The following NAALAD2 variants were observed in gnomAD, a reference collection of about 807,000 sequenced individuals.
NAALAD2 encodes N-acetylated alpha-linked acidic dipeptidase 2, also known as N-acetylated-alpha-linked acidic dipeptidase 2.
NAALAD2 carries 89 observed loss-of-function variants against 95.6 expected under a neutral mutation model. The ratio of observed to expected loss-of-function variants is 0.93; its 90% CI spans 0.78 to 1.11. The LOEUF is 1.11. Ranked by LOEUF, NAALAD2 falls within the 50% of genes least tolerant of loss-of-function variation. The pLI is 0.00. For missense variants in NAALAD2, 894 were observed against 872.4 expected (o/e 1.02, Z -0.31); for synonymous variants, 264 against 294.4 (o/e 0.90, Z 1.06).
intron 18 of NAALAD2, among the ~76,000 whole-genome samples, chr11:90,184,692 TC>T (rs1329668621): frequency 6.6e-6 from 1 of 151,934 alleles, no homozygotes; most frequent in African/African-American, 2.4e-5. Context: ...TCTTCAGCAT[TC>T]CCCCCTTGCC....
At position 90,167,024 on chromosome 11, in the gene NAALAD2, G is replaced by A. The variant is rs149283484; in HGVS notation, c.1279-1905G>A. Among the ~76,000 whole-genome samples the A allele has an allele frequency of 1.5e-3, 233 of 152,290 alleles. 1 individual carries two copies. The highest frequency in any genetic ancestry group is 5.2e-3 in the African/African-American group (216 of 41,572). On this transcript the variant is annotated intron_variant, in intron 11 of 18. Coordinates refer to ENST00000534061, the MANE Select transcript of NAALAD2 (RefSeq NM_005467.4). ...AATTAGCCAGGCGTCGTGGTGAGAG[G>A]TGACAGCATGCTGGCAGCCCTCGCT... is the stretch of plus-strand genomic sequence containing the variant.
At chr11:90,178,170 T>TA in intron 16 of NAALAD2, 53 bp downstream of exon 16, 1 of 1,503,384 alleles carries the variant, frequency 6.7e-7, no homozygotes, top group Non-Finnish European at 9.0e-7. Context: ...AGCTTTAAGA[T>TA]ATTATCTCCT....
At chr11:90,140,189 C>A (rs542729655) in intron 2 of NAALAD2, among the ~76,000 whole-genome samples, 5 of 152,182 alleles carry the variant, frequency 3.3e-5, no homozygotes, top group Admixed American at 1.3e-4. Flanking sequence ...CACAAGCTCA[C>A]GGCAAGAGCA....
chr11:90,152,957 A>G (rs992540224), intron 6 of NAALAD2, among the ~76,000 whole-genome samples: 4 of 152,136 alleles, frequency 2.6e-5, no homozygotes, highest in Admixed American at 6.6e-5. Context: ...AATCAAAATA[A>G]TTAACATACC....
intron 2 of NAALAD2, among the ~76,000 whole-genome samples, chr11:90,137,898 C>T (rs967158765): frequency 6.6e-6 from 1 of 152,068 alleles, no homozygotes; most frequent in Non-Finnish European, 1.5e-5. Context: ...CCACCTCACC[C>T]TCCCACAGTG....
intron 16 of NAALAD2, 146 bp downstream of exon 16, chr11:90,178,263 A>T: frequency 1.1e-6 from 1 of 869,670 alleles, no homozygotes; most frequent in Non-Finnish European, 1.7e-6. Flanking sequence ...CTTAAAACAA[A>T]CACCTATTAA....
intron 8 of NAALAD2, among the ~76,000 whole-genome samples, chr11:90,161,942 C>T (rs567231970): frequency 1.9e-4 from 28 of 149,886 alleles, no homozygotes; most frequent in Non-Finnish European, 3.4e-4. Context: ...AAAAAAACAT[C>T]GATTAGTTTT....
chr11:90,148,113 GCCAA>G (rs1951793403), intron 3 of NAALAD2, among the ~76,000 whole-genome samples: 1 of 152,138 alleles, frequency 6.6e-6, no homozygotes, highest in South Asian at 2.1e-4. Context: ...GTTCACGGGA[GCCAA>G]TGACAAGTCC....
intron 18 of NAALAD2, among the ~76,000 whole-genome samples, chr11:90,187,080 AT>A (rs1476223080): frequency 6.6e-6 from 1 of 152,152 alleles, no homozygotes; most frequent in Non-Finnish European, 1.5e-5. Flanking sequence ...AATGCTCATC[AT>A]CACTGGCCAT....
At chr11:90,161,710 T>TA (rs957286560) in intron 8 of NAALAD2, among the ~76,000 whole-genome samples, 1 of 152,202 alleles carries the variant, frequency 6.6e-6, no homozygotes, top group Non-Finnish European at 1.5e-5. Flanking sequence ...TTGTTTAGAC[T>TA]AATATCAATT....
At chr11:90,157,270 A>T (rs1952142999) in intron 6 of NAALAD2, among the ~76,000 whole-genome samples, 1 of 152,176 alleles carries the variant, frequency 6.6e-6, no homozygotes. Flanking sequence ...AAAGTGTTTC[A>T]TTTACATAAA....
At chr11:90,147,286 G>A in intron 2 of NAALAD2, 44 bp from the exon 3 acceptor site, 2 of 1,482,700 alleles carry the variant, frequency 1.3e-6, no homozygotes, top group African/African-American at 2.8e-5. Context: ...CACATCGTCT[G>A]AGCATAGTCT....
At position 90,182,937 on chromosome 11, in the gene NAALAD2, G is replaced by T; in HGVS notation, c.1962G>T (p.Met654Ile). ...GAAGTCCCATTGCAGTGAGAATGAT[G>T]AATGACCAACTGATGCTCCTGGAAA... ...DLNNPIAVRM[M>I]NDQLMLLERA... The change falls in exon 18 of 19, where the codon ATG (methionine) becomes ATT (isoleucine). Residue 654 changes from methionine (M) to isoleucine (I), a missense_variant. Physicochemically the swap from Met to Ile is conservative, Grantham distance 10 (BLOSUM62 1). Transcript: ENST00000534061. 1.2e-6 allele frequency: 2 copies of T among 1,611,440 alleles called. No individual in the cohort carries two copies. Among genetic ancestry groups the T allele is most frequent in the Non-Finnish European group, 1.7e-6 (2 of 1,178,066 alleles).
At chr11:90,167,021 G>C (rs1310248335) in intron 11 of NAALAD2, among the ~76,000 whole-genome samples, 1 of 152,210 alleles carries the variant, frequency 6.6e-6, no homozygotes, top group Non-Finnish European at 1.5e-5. Flanking sequence ...GTCGTGGTGA[G>C]AGGTGACAGC....
intron 18 of NAALAD2, 126 bp downstream of exon 18, chr11:90,183,134 A>AT (rs1857017699): frequency 1.6e-6 from 1 of 618,024 alleles, no homozygotes; most frequent in Admixed American, 2.6e-5. Context: ...TTTGGGTAAG[A>AT]TTGTACATTT....
intron 2 of NAALAD2, among the ~76,000 whole-genome samples, chr11:90,141,425 A>G (rs1177212357): frequency 6.6e-6 from 1 of 152,170 alleles, no homozygotes; most frequent in Non-Finnish European, 1.5e-5. Flanking sequence ...CATTAAGCAG[A>G]TGCTTTACAT....
chr11:90,155,628 AT>A (rs1952077964), intron 6 of NAALAD2, among the ~76,000 whole-genome samples: 2 of 36,122 alleles, frequency 5.5e-5, no homozygotes, highest in Admixed American at 4.1e-4. Context: ...TTACATATAT[AT>A]TAATATATAT....
intron 16 of NAALAD2, 56 bp from the exon 17 acceptor site, chr11:90,181,564 A>G (rs987834926): frequency 1.4e-5 from 18 of 1,249,316 alleles, no homozygotes; most frequent in African/African-American, 3.0e-5. Flanking sequence ...AGGGTGGGAA[A>G]GCGAACCTCT....
chr11:90,139,995 A>G lies in NAALAD2; in HGVS notation c.194+4325A>G, dbSNP rs181669577. On this transcript the variant is annotated intron_variant, in intron 2 of 18. Transcript: ENST00000534061. ...TAATGTATCATTAGTGGCACTTTGT[A>G]TGGATCCCACGGTGTTATTCAAGGT... 3.6e-3 allele frequency among the ~76,000 whole-genome samples: 546 copies of G among 152,066 alleles called. 1 individual carries two copies. The highest frequency in any genetic ancestry group is 0.012 in the African/African-American group (513 of 41,504).
Sources: gnomAD v4.1 joint callset for allele counts (sites outside exome capture counted in the v4.1 genomes callset) on GRCh38, gnomAD v4.1.1 for gene constraint, MANE v1.5 for transcripts, NCBI Gene and HGNC (gene_info 2026-07-23, HGNC 2026-07-21) for gene names.